The following SNX14 variants were observed in gnomAD, a reference collection of about 807,000 sequenced individuals.
The protein encoded by SNX14 is sorting nexin-14.
A neutral mutation model predicts 133.8 loss-of-function variants in SNX14; 93 were observed. The ratio of observed to expected loss-of-function variants is 0.70; its 90% CI spans 0.59 to 0.83. The LOEUF (loss-of-function observed/expected upper bound fraction) is 0.83. SNX14 is among the 40% of genes least tolerant of loss of function. The pLI is 0.00. For missense variants in SNX14, 945 were observed against 1,094.9 expected, an observed-to-expected ratio of 0.86 and a Z score of 1.93; for synonymous variants, 368 against 365.6, an observed-to-expected ratio of 1.01 and a Z score of -0.07.
intron 18 of SNX14, among the ~76,000 whole-genome samples, chr6:85,532,033 G>GA (rs113924466): frequency 0.62 from 93,676 of 150,944 alleles, 29,321 homozygotes; most frequent in Admixed American, 0.72. Flanking sequence ...CTCTCAAAAA[G>GA]AAAAAAAATT....
In SNX14 at chr6:85,543,242, A is replaced by C; in HGVS notation, c.1329T>G (p.Tyr443Ter). 6.2e-7 allele frequency: 1 copy of C among 1,604,426 alleles called. No individual in the cohort carries two copies. Among genetic ancestry groups the C allele is most frequent in the East Asian group, 2.3e-5 (1 of 44,422 alleles). Residue 443 changes from tyrosine (Y) to a stop codon, truncating the protein, a stop_gained, in exon 14 of 29, where the codon TAT (tyrosine) becomes TAG (stop). Coordinates refer to ENST00000314673, the MANE Select transcript of SNX14 (RefSeq NM_153816.6). LOFTEE classifies it high-confidence loss of function. The part of the protein sequence containing the change: ...LQTMRCLFEA[Y>*]EHVLSLLENV... The stretch of plus-strand genomic sequence containing the variant: ...TCTCCAAAAGGGAAAGAACATGTTC[A>C]TATGCTTCAAAAAGACATCTCATAG...
chr6:85,578,229 G>C (rs1797920020), intron 1 of SNX14, among the ~76,000 whole-genome samples: 3 of 152,010 alleles, frequency 2.0e-5, no homozygotes, highest in Non-Finnish European at 4.4e-5. Flanking sequence ...TGAGAGAAAT[G>C]TCTCTTTCCC....
At chr6:85,571,431 T>C (rs943494288) in intron 4 of SNX14, among the ~76,000 whole-genome samples, 13 of 150,954 alleles carry the variant, frequency 8.6e-5, no homozygotes, top group East Asian at 1.9e-4. Context: ...TTATGCAGGA[T>C]ACAAAATGGG....
intron 1 of SNX14, 37 bp downstream of exon 1, chr6:85,593,542 G>A: frequency 6.3e-7 from 1 of 1,583,076 alleles, no homozygotes. Context: ...CACCTTCGGA[G>A]AAAAGCCGCC....
Position 85,574,350 on chromosome 6 carries a change from AC to A in SNX14, c.168del (p.Trp56CysfsTer14). On this transcript the variant is annotated frameshift_variant, in exon 2 of 29. Coordinates refer to ENST00000314673, the MANE Select transcript of SNX14 (RefSeq NM_153816.6). LOFTEE classifies it high-confidence loss of function. The part of the protein sequence containing the change: ...NRYIHILMIF[W>X]SFVAGVVTFY... Reference sequence around the variant, plus strand: ...AATGTGACAACTCCAGCAACAAATGACCAGAAGATCATTAAAATATGAATAT... The same window carrying A: ...AATGTGACAACTCCAGCAACAAATGACAGAAGATCATTAAAATATGAATAT... 1 of 1,567,844 alleles carries A rather than the reference AC, an allele frequency of 6.4e-7. No homozygotes were observed. Among genetic ancestry groups the A allele is most frequent in the Non-Finnish European group, 8.8e-7 (1 of 1,141,902 alleles).
intron 28 of SNX14, among the ~76,000 whole-genome samples, chr6:85,506,991 G>T (rs1032485102): frequency 6.6e-6 from 1 of 152,006 alleles, no homozygotes; most frequent in African/African-American, 2.4e-5. Context: ...ACTATATAGG[G>T]TCCCTATCTG....
At chr6:85,568,684 C>T (rs1356963040) in intron 4 of SNX14, among the ~76,000 whole-genome samples, 1 of 152,080 alleles carries the variant, frequency 6.6e-6, no homozygotes, top group African/African-American at 2.4e-5. Context: ...CTAATGCTTC[C>T]AAAATCAGAT....
chr6:85,537,957 G>A (rs545337706), intron 16 of SNX14, among the ~76,000 whole-genome samples: 37 of 152,048 alleles, frequency 2.4e-4, no homozygotes, highest in Non-Finnish European at 4.0e-4. Flanking sequence ...ATAAAGTCAC[G>A]TTCACTATGT....
rs144974090 is a variant in SNX14 at position 85,535,908 on chromosome 6, G to A, written c.1608+884C>T. 3.9e-4 allele frequency among the ~76,000 whole-genome samples: 59 copies of A among 152,122 alleles called. No homozygotes were observed. The East Asian group carries it at 0.01, about 27-fold the overall frequency. ...TGAATTTCTTAAAGCCGAGGTCTAC[G>A]TCTTAATCATCTTTTCATCCCCAGT... On this transcript the variant is annotated intron_variant, in intron 17 of 28. Coordinates refer to ENST00000314673, the MANE Select transcript of SNX14 (RefSeq NM_153816.6).
At chr6:85,512,200 C>G (rs539331349) in intron 26 of SNX14, among the ~76,000 whole-genome samples, 2 of 152,266 alleles carry the variant, frequency 1.3e-5, no homozygotes, top group Admixed American at 1.3e-4. Context: ...TTGTCAAGAA[C>G]AGAATGCCCT....
chr6:85,576,512 C>G (rs1023892422), intron 1 of SNX14, among the ~76,000 whole-genome samples: 1 of 148,094 alleles, frequency 6.8e-6, no homozygotes. Context: ...GTAAATTGCA[C>G]GAACTGACAG....
rs1352670988 is a variant in SNX14 at position 85,514,194 on chromosome 6, G to A, written c.2433C>T (p.Leu811=). 1 of 1,613,832 alleles carries A rather than the reference G, an allele frequency of 6.2e-7. No homozygotes were observed. The highest frequency in any genetic ancestry group is 8.5e-7 in the Non-Finnish European group (1 of 1,179,892). ...TAAAGAGGATTCGAGTTCCCATTAA[G>A]AGATGATGAAGCCAGTCAGGAACCT... ...VFQVPDWLHH[L]LMGTRILFKN... The change falls in exon 25 of 29, where the codon CTC becomes CTT. Residue 811 remains leucine (L), a synonymous_variant. Coordinates refer to ENST00000314673, the MANE Select transcript of SNX14 (RefSeq NM_153816.6).
intron 1 of SNX14, among the ~76,000 whole-genome samples, chr6:85,590,440 C>G (rs138087205): frequency 3.9e-5 from 6 of 152,268 alleles, no homozygotes; most frequent in Non-Finnish European, 5.9e-5. Flanking sequence ...CTTTTGCTTT[C>G]TTAATAAACT....
chr6:85,546,896 G>A (rs1785721117), intron 12 of SNX14, among the ~76,000 whole-genome samples: 1 of 151,236 alleles, frequency 6.6e-6, no homozygotes, highest in South Asian at 2.1e-4. Context: ...AGGAGGCGGA[G>A]GTTGCAGTGA....
chr6:85,567,295 T>G (rs1262014083), intron 5 of SNX14, among the ~76,000 whole-genome samples: 1 of 152,228 alleles, frequency 6.6e-6, no homozygotes, highest in Non-Finnish European at 1.5e-5. Flanking sequence ...GAAGACATTT[T>G]TATTGGTCAC....
chr6:85,510,754 T>C (rs1772503535), intron 26 of SNX14, among the ~76,000 whole-genome samples: 1 of 152,248 alleles, frequency 6.6e-6, no homozygotes, highest in African/African-American at 2.4e-5. Flanking sequence ...TGCTGTAAAC[T>C]GTTCCTTTGC....
chr6:85,539,902 T>C (rs1018277443), intron 15 of SNX14, among the ~76,000 whole-genome samples: 2 of 142,000 alleles, frequency 1.4e-5, no homozygotes, highest in Non-Finnish European at 1.6e-5. Flanking sequence ...TCTGAAGTTA[T>C]GACCTTGACT....
At chr6:85,556,633 T>C (rs1789897522) in intron 7 of SNX14, among the ~76,000 whole-genome samples, 1 of 151,938 alleles carries the variant, frequency 6.6e-6, no homozygotes, top group Non-Finnish European at 1.5e-5. Flanking sequence ...TTTGTATTTT[T>C]AGTAGACATG....
At chr6:85,522,578 T>C (rs923938792) in intron 21 of SNX14, among the ~76,000 whole-genome samples, 4 of 152,214 alleles carry the variant, frequency 2.6e-5, no homozygotes, top group African/African-American at 9.6e-5. Flanking sequence ...TTCTCTATAA[T>C]GGTCATGCAT....
Sources: allele counts gnomAD v4.1 joint callset (sites outside exome capture counted in the v4.1 genomes callset), GRCh38; gene constraint gnomAD v4.1.1; transcripts MANE v1.5; gene names NCBI Gene and HGNC (gene_info 2026-07-23, HGNC 2026-07-21).